Variants in ARK2N observed in about 807,000 individuals in gnomAD.
ARK2N encodes the protein arkadia (RNF111) N-terminal like PKA signaling regulator 2N, also known as protein ARK2N.
the ARK2N span, among the ~76,000 whole-genome samples, chr18:46,211,249 T>G: frequency 2.0e-5 from 3 of 152,194 alleles, no homozygotes; most frequent in Admixed American, 6.5e-5. Context: ...TGCTCTGTTA[T>G]GCAGCCTGGA....
At chr18:46,252,930 G>A in the ARK2N span, among the ~76,000 whole-genome samples, 31 of 152,248 alleles carry the variant, frequency 2.0e-4, no homozygotes, top group African/African-American at 5.5e-4. Flanking sequence ...CATATAATAC[G>A]TGCTTTGGGA....
the ARK2N span, among the ~76,000 whole-genome samples, chr18:46,197,525 C>T: frequency 3.3e-5 from 5 of 152,318 alleles, no homozygotes; most frequent in African/African-American, 4.8e-5. Flanking sequence ...TGAGCCACCA[C>T]GCCTAGCCAA....
At chr18:46,256,837 C>T in the ARK2N span, among the ~76,000 whole-genome samples, 1 of 151,984 alleles carries the variant, frequency 6.6e-6, no homozygotes, top group Non-Finnish European at 1.5e-5. Flanking sequence ...GTTTTTTTCC[C>T]TCAGCAGCTT....
chr18:46,254,611 G>C, the ARK2N span, among the ~76,000 whole-genome samples: 2 of 152,166 alleles, frequency 1.3e-5, no homozygotes, highest in Non-Finnish European at 2.9e-5. Context: ...TAAAATTTTA[G>C]TCTATAAATA....
the ARK2N span, among the ~76,000 whole-genome samples, chr18:46,251,367 C>T: frequency 1.3e-5 from 2 of 152,136 alleles, no homozygotes; most frequent in Non-Finnish European, 2.9e-5. Context: ...AGCAGCCTCC[C>T]TAGATTTAAT....
the ARK2N span, among the ~76,000 whole-genome samples, chr18:46,246,386 A>G: frequency 2.0e-5 from 3 of 152,164 alleles, no homozygotes; most frequent in African/African-American, 7.2e-5. Flanking sequence ...TCTGAAATAG[A>G]AGAAGGAAGA....
chr18:46,228,630 C>T, the ARK2N span: 1 of 392,214 alleles, frequency 2.5e-6, no homozygotes, highest in Non-Finnish European at 4.5e-6. Context: ...CTGTCATCTA[C>T]ACTGGAGTGC....
chr18:46,245,004 C>G, the ARK2N span, among the ~76,000 whole-genome samples: 1 of 151,970 alleles, frequency 6.6e-6, no homozygotes, highest in African/African-American at 2.4e-5. Flanking sequence ...AGTCTCCGCT[C>G]ATTGCAGCAT....
chr18:46,236,370 T>G, the ARK2N span, among the ~76,000 whole-genome samples: 17 of 152,202 alleles, frequency 1.1e-4, no homozygotes, highest in African/African-American at 4.1e-4. Flanking sequence ...AGCAAACATT[T>G]CAAAAGAATT....
chr18:46,223,375 G>A, the ARK2N span, among the ~76,000 whole-genome samples: 2 of 152,154 alleles, frequency 1.3e-5, no homozygotes, highest in Admixed American at 6.5e-5. Context: ...TATGAAATTA[G>A]GCAGAGGTTG....
At chr18:46,255,108 A>C in the ARK2N span, among the ~76,000 whole-genome samples, 4 of 152,266 alleles carry the variant, frequency 2.6e-5, no homozygotes, top group Non-Finnish European at 5.9e-5. Context: ...TCTGTCTCTT[A>C]TATAAAAGAC....
the ARK2N span, among the ~76,000 whole-genome samples, chr18:46,252,108 G>C: frequency 6.6e-6 from 1 of 151,758 alleles, no homozygotes; most frequent in East Asian, 2.0e-4. Context: ...CAGGAGAATT[G>C]CTTGAACCTG....
chr18:46,173,891 G>A, the ARK2N span: 6 of 152,204 alleles, frequency 3.9e-5, no homozygotes, highest in Non-Finnish European at 8.8e-5. Flanking sequence ...CACGCCCCGC[G>A]GTCTGCAGCG....
chr18:46,252,006 A>G, the ARK2N span, among the ~76,000 whole-genome samples: 1 of 152,006 alleles, frequency 6.6e-6, no homozygotes, highest in Non-Finnish European at 1.5e-5. Flanking sequence ...CAGCCTGGCC[A>G]ACGTGACGAA....
At chr18:46,197,038 T>G in the ARK2N span, among the ~76,000 whole-genome samples, 1 of 152,198 alleles carries the variant, frequency 6.6e-6, no homozygotes, top group African/African-American at 2.4e-5. Context: ...GAACATTACT[T>G]CTGCCGTCTT....
At chr18:46,248,371 G>A in the ARK2N span, among the ~76,000 whole-genome samples, 1 of 152,170 alleles carries the variant, frequency 6.6e-6, no homozygotes, top group Non-Finnish European at 1.5e-5. Flanking sequence ...TTGTAGGAGG[G>A]TGAGCAGTGG....
At chr18:46,205,188 G>A in the ARK2N span, among the ~76,000 whole-genome samples, 8 of 152,106 alleles carry the variant, frequency 5.3e-5, no homozygotes, top group Non-Finnish European at 8.8e-5. Flanking sequence ...GATTGCAGGC[G>A]TGAGCCACTG....
the ARK2N span, among the ~76,000 whole-genome samples, chr18:46,204,929 C>CTTTTTTTTTTT: frequency 6.9e-6 from 1 of 145,616 alleles, no homozygotes; most frequent in African/African-American, 2.6e-5. Context: ...TTTCTTTTTT[C>CTTTTTTTTTTT]TTTTTTTTTT....
At chr18:46,246,644 G>GATAAGAGCAGAACCCAGGCCAGGGCCT in the ARK2N span, among the ~76,000 whole-genome samples, 1 of 151,142 alleles carries the variant, frequency 6.6e-6, no homozygotes, top group African/African-American at 2.4e-5. Context: ...AAGCATTACA[G>GATAAGAGCAGAACCCAGGCCAGGGCCT]ATAAGAGCAG....
Sources: allele counts gnomAD v4.1 joint callset (sites outside exome capture counted in the v4.1 genomes callset), GRCh38; gene constraint gnomAD v4.1.1; transcripts MANE v1.5; gene names NCBI Gene and HGNC (gene_info 2026-07-23, HGNC 2026-07-21).